EXT1: variants seen among roughly 807,000 people sequenced by gnomAD.
EXT1 encodes the protein exostosin-1.
EXT1 carries 20 observed loss-of-function variants against 82.5 expected under a neutral mutation model. That is an observed-to-expected ratio of 0.24 (90% CI 0.17 to 0.35). The LOEUF (loss-of-function observed/expected upper bound fraction) is 0.35. Ranked by LOEUF, EXT1 falls within the 10% of genes least tolerant of loss-of-function variation. EXT1 has a pLI of 1.00. For synonymous variants in EXT1, 348 were observed against 350.8 expected (o/e 0.99, Z 0.09); for missense variants, 757 against 936.5 (o/e 0.81, Z 2.50).
At position 117,809,659 on chromosome 8, in the gene EXT1, G is replaced by A. The variant is rs1461565150; in HGVS notation, c.1723-2282C>T. On this transcript the variant is annotated intron_variant, in intron 8 of 10. Coordinates refer to ENST00000378204, the MANE Select transcript of EXT1 (RefSeq NM_000127.3). ...CAAAAAAAAAAAAAAAATCCAGAGC[G>A]GGGAAAAAACCCGGGTGGTGGAACC... 9.9e-5 allele frequency among the ~76,000 whole-genome samples: 15 copies of A among 151,604 alleles called. No homozygotes were observed. The East Asian group carries it at 1.6e-3, about 16-fold the overall frequency.
At chr8:117,829,217 C>T (rs188199359) in intron 4 of EXT1, among the ~76,000 whole-genome samples, 60 of 152,226 alleles carry the variant, frequency 3.9e-4, no homozygotes, top group African/African-American at 9.1e-4. Flanking sequence ...TGTGCTACTT[C>T]GGTGTAGCCT....
chr8:118,014,534 G>A (rs1815966192), intron 1 of EXT1, among the ~76,000 whole-genome samples: 1 of 152,170 alleles, frequency 6.6e-6, no homozygotes, highest in South Asian at 2.1e-4. Context: ...CCTGAGCCCA[G>A]TTACAGAACA....
intron 1 of EXT1, among the ~76,000 whole-genome samples, chr8:118,057,059 G>A (rs1430676038): frequency 1.3e-5 from 2 of 152,142 alleles, no homozygotes; most frequent in African/African-American, 4.8e-5. Flanking sequence ...ACACAGACAC[G>A]AAGGACAGGA....
intron 7 of EXT1, among the ~76,000 whole-genome samples, chr8:117,815,748 TG>T (rs1264727044): frequency 2.6e-5 from 4 of 152,020 alleles, no homozygotes; most frequent in African/African-American, 9.7e-5. Flanking sequence ...CTGACTAACA[TG>T]GAGAAACCCC....
At chr8:117,989,404 G>A (rs1181218783) in intron 1 of EXT1, among the ~76,000 whole-genome samples, 1 of 152,004 alleles carries the variant, frequency 6.6e-6, no homozygotes, top group African/African-American at 2.4e-5. Flanking sequence ...TTTTTTGTCT[G>A]TCTGCCTCCA....
chr8:117,822,120 T>C (rs751860291), intron 5 of EXT1, among the ~76,000 whole-genome samples: 1 of 152,080 alleles, frequency 6.6e-6, no homozygotes, highest in Non-Finnish European at 1.5e-5. Flanking sequence ...AAAAAAAAAT[T>C]GGGGAGAGCT....
chr8:117,801,956 C>T (rs990228447), intron 10 of EXT1, among the ~76,000 whole-genome samples: 1 of 152,192 alleles, frequency 6.6e-6, no homozygotes, highest in African/African-American at 2.4e-5. Flanking sequence ...ATTCAGGTAT[C>T]GTTTTGCTTC....
At chr8:117,891,065 T>G (rs1749780789) in intron 1 of EXT1, among the ~76,000 whole-genome samples, 1 of 152,224 alleles carries the variant, frequency 6.6e-6, no homozygotes, top group Admixed American at 6.5e-5. Context: ...TTATGGTGAC[T>G]TATTTAAATG....
chr8:117,989,418 A>C (rs1031615597), intron 1 of EXT1, among the ~76,000 whole-genome samples: 1 of 151,996 alleles, frequency 6.6e-6, no homozygotes, highest in Non-Finnish European at 1.5e-5. Flanking sequence ...GCCTCCACTC[A>C]ATTACACGCT....
At chr8:118,001,668 T>G (rs1815669022) in intron 1 of EXT1, among the ~76,000 whole-genome samples, 1 of 152,176 alleles carries the variant, frequency 6.6e-6, no homozygotes, top group South Asian at 2.1e-4. Context: ...AAAAATGTAG[T>G]AAAACCAACA....
Position 118,001,475 on chromosome 8 carries a change from G to A in EXT1, c.962+108610C>T, listed in dbSNP as rs895026688. 1.2e-4 allele frequency among the ~76,000 whole-genome samples: 18 copies of A among 151,958 alleles called. No individual in the cohort carries two copies. The South Asian group carries it at 1.2e-3, about 11-fold the overall frequency. On this transcript the variant is annotated intron_variant, in intron 1 of 10. Coordinates refer to ENST00000378204, the MANE Select transcript of EXT1 (RefSeq NM_000127.3). The stretch of plus-strand genomic sequence containing the variant: ...GCTGGGATTACAGGCATGAGTCACC[G>A]CGCCCGGCCTCCATCCATTTTTTTT...
intron 1 of EXT1, among the ~76,000 whole-genome samples, chr8:118,012,904 A>G (rs1370805784): frequency 6.6e-6 from 1 of 152,238 alleles, no homozygotes; most frequent in Non-Finnish European, 1.5e-5. Context: ...TTGTAGCAGA[A>G]TGGTGGCCTG....
chr8:117,849,709 A>G (rs1812423032), intron 1 of EXT1, among the ~76,000 whole-genome samples: 1 of 152,238 alleles, frequency 6.6e-6, no homozygotes, highest in Non-Finnish European at 1.5e-5. Context: ...ATGTTTATGT[A>G]AAGTGATACA....
At chr8:117,874,380 A>T (rs1241284023) in intron 1 of EXT1, among the ~76,000 whole-genome samples, 2 of 152,072 alleles carry the variant, frequency 1.3e-5, no homozygotes, top group Non-Finnish European at 2.9e-5. Flanking sequence ...GTTCAAGACC[A>T]GCCTGGCCAA....
intron 1 of EXT1, among the ~76,000 whole-genome samples, chr8:117,885,302 A>C (rs1813126968): frequency 1.3e-5 from 2 of 152,210 alleles, no homozygotes. Context: ...ATTTTAAGTA[A>C]ATATCAAAAG....
intron 1 of EXT1, among the ~76,000 whole-genome samples, chr8:117,874,068 CA>C (rs1362226628): frequency 2.0e-5 from 3 of 152,178 alleles, no homozygotes; most frequent in Non-Finnish European, 4.4e-5. Context: ...AGGTGCAAAG[CA>C]GCTGGTGAGT....
chr8:117,895,579 G>A (rs1354298919), intron 1 of EXT1, among the ~76,000 whole-genome samples: 4 of 152,146 alleles, frequency 2.6e-5, no homozygotes, highest in Non-Finnish European at 4.4e-5. Context: ...AGTGTTATAC[G>A]AAAATGTTAC....
chr8:117,849,632 C>T (rs1041289885), intron 1 of EXT1, among the ~76,000 whole-genome samples: 4 of 152,202 alleles, frequency 2.6e-5, no homozygotes, highest in African/African-American at 9.7e-5. Context: ...CAAATGCCAT[C>T]TGCTATGAAA....
intron 1 of EXT1, among the ~76,000 whole-genome samples, chr8:117,950,303 A>G (rs1300724949): frequency 2.0e-5 from 3 of 152,234 alleles, no homozygotes; most frequent in Non-Finnish European, 4.4e-5. Context: ...TCTTGCCATA[A>G]AGTCAACAAC....
Sources: gnomAD v4.1 joint callset for allele counts (sites outside exome capture counted in the v4.1 genomes callset) on GRCh38, gnomAD v4.1.1 for gene constraint, MANE v1.5 for transcripts, NCBI Gene and HGNC (gene_info 2026-07-23, HGNC 2026-07-21) for gene names.